Variants in UBE2G1 observed in about 807,000 individuals in gnomAD.
The protein encoded by UBE2G1 is ubiquitin-conjugating enzyme E2 G1.
In UBE2G1, 5 loss-of-function variants were observed where a neutral mutation model predicts 22.7. That is an observed-to-expected ratio of 0.22 (90% confidence interval 0.12 to 0.46). The LOEUF is 0.46. Among genes scored for constraint, UBE2G1 ranks in the 20% least tolerant of loss-of-function variants. The probability of loss-of-function intolerance (pLI) is 0.99; values close to 1 mark genes in which losing one functional copy is unlikely to be tolerated. For synonymous variants in UBE2G1, 74 were observed against 67.5 expected, an observed-to-expected ratio of 1.10 and a Z score of -0.47; for missense variants, 88 against 203.9, an observed-to-expected ratio of 0.43 and a Z score of 3.46.
intron 1 of UBE2G1, among the ~76,000 whole-genome samples, chr17:4,355,777 T>C (rs914197835): frequency 1.4e-5 from 2 of 144,312 alleles, no homozygotes; most frequent in Non-Finnish European, 3.0e-5. Context: ...CTCAGCTCGC[T>C]GCAACCTCCA....
intron 1 of UBE2G1, among the ~76,000 whole-genome samples, chr17:4,339,219 T>G (rs543301204): frequency 1.3e-5 from 2 of 152,150 alleles, no homozygotes; most frequent in Non-Finnish European, 2.9e-5. Context: ...TATTTACTAT[T>G]ATTTTATTTT....
At chr17:4,311,901 T>C (rs1969314475) in intron 1 of UBE2G1, among the ~76,000 whole-genome samples, 1 of 151,976 alleles carries the variant, frequency 6.6e-6, no homozygotes. Context: ...GAGGAAATGG[T>C]GATGGGCTTG....
intron 1 of UBE2G1, among the ~76,000 whole-genome samples, chr17:4,330,160 C>CT (rs1969555039): frequency 6.6e-6 from 1 of 151,952 alleles, no homozygotes; most frequent in African/African-American, 2.4e-5. Flanking sequence ...ATGGAAGTGT[C>CT]TAACAATTTA....
chr17:4,323,976 C>T (rs935288655), intron 1 of UBE2G1, among the ~76,000 whole-genome samples: 30 of 152,156 alleles, frequency 2.0e-4, no homozygotes, highest in Non-Finnish European at 3.5e-4. Flanking sequence ...GATGCTAAAA[C>T]CATTAAGTGA....
intron 2 of UBE2G1, chr17:4,302,221 G>A: frequency 4.0e-6 from 2 of 498,254 alleles, no homozygotes; most frequent in South Asian, 1.5e-5. Flanking sequence ...GCAATGAACA[G>A]TGTTGTATAT....
At chr17:4,343,330 G>A (rs548688057) in intron 1 of UBE2G1, among the ~76,000 whole-genome samples, 3 of 152,174 alleles carry the variant, frequency 2.0e-5, no homozygotes, top group African/African-American at 7.2e-5. Context: ...GGTAGCTCAC[G>A]CCTGTAATCC....
chr17:4,306,917 TG>T, intron 2 of UBE2G1, 103 bp downstream of exon 2: 1 of 1,003,888 alleles, frequency 1.0e-6, no homozygotes, highest in East Asian at 2.8e-5. Context: ...CCCAAAGTGC[TG>T]GGATTACAGG....
chr17:4,272,572 C>T (rs1968774017), intron 5 of UBE2G1, 56 bp from the exon 6 acceptor site: 1 of 186,556 alleles, frequency 5.4e-6, no homozygotes, highest in African/African-American at 2.4e-5. Flanking sequence ...AAAGAATTAA[C>T]TGTAAGTAGG....
intron 1 of UBE2G1, among the ~76,000 whole-genome samples, chr17:4,355,655 GA>G (rs563547133): frequency 2.6e-3 from 344 of 133,850 alleles, no homozygotes; most frequent in African/African-American, 8.9e-3. Context: ...AAAAAAAAAA[GA>G]AAAAAAAAAT....
At chr17:4,325,963 A>T (rs35618711) in intron 1 of UBE2G1, among the ~76,000 whole-genome samples, 30,374 of 152,156 alleles carry the variant, frequency 0.2, 3,230 homozygotes, top group Non-Finnish European at 0.23. Flanking sequence ...TGCAAAAAAT[A>T]ACTCTAAATG....
chr17:4,363,456 C>A (rs917381123), intron 1 of UBE2G1, among the ~76,000 whole-genome samples: 5 of 151,896 alleles, frequency 3.3e-5, no homozygotes, highest in African/African-American at 9.7e-5. Flanking sequence ...AGCTTTGGGA[C>A]GTTTTATTAA....
intron 1 of UBE2G1, among the ~76,000 whole-genome samples, chr17:4,347,466 C>CTT (rs1969790668): frequency 3.2e-5 from 3 of 92,526 alleles, no homozygotes; most frequent in African/African-American, 1.1e-4. Flanking sequence ...CACAGTATTT[C>CTT]TTCTTTTTTT....
chr17:4,312,100 T>C (rs1287757089), intron 1 of UBE2G1, among the ~76,000 whole-genome samples: 1 of 151,324 alleles, frequency 6.6e-6, no homozygotes, highest in Non-Finnish European at 1.5e-5. Flanking sequence ...ATACAAAAAT[T>C]AGCCGGGTGG....
At chr17:4,322,402 C>T (rs934281389) in intron 1 of UBE2G1, among the ~76,000 whole-genome samples, 5 of 152,240 alleles carry the variant, frequency 3.3e-5, no homozygotes. Context: ...CCTCCTCAAA[C>T]TCTTCCCTAA....
intron 1 of UBE2G1, among the ~76,000 whole-genome samples, chr17:4,336,383 C>T (rs1206606678): frequency 6.6e-6 from 1 of 152,098 alleles, no homozygotes; most frequent in African/African-American, 2.4e-5. Flanking sequence ...TAGCAAGCAT[C>T]AACACCCTTT....
intron 1 of UBE2G1, among the ~76,000 whole-genome samples, chr17:4,319,480 A>C (rs1381272801): frequency 2.0e-5 from 3 of 152,224 alleles, no homozygotes; most frequent in Non-Finnish European, 4.4e-5. Flanking sequence ...TCATGCCTGT[A>C]ATCTCAGCAC....
chr17:4,292,163 T>TA (rs1346783203), intron 3 of UBE2G1, among the ~76,000 whole-genome samples: 1 of 151,462 alleles, frequency 6.6e-6, no homozygotes, highest in African/African-American at 2.4e-5. Flanking sequence ...CCATCTCTAA[T>TA]AAAAATACAA....
intron 1 of UBE2G1, among the ~76,000 whole-genome samples, chr17:4,353,935 G>A (rs1969876067): frequency 6.8e-6 from 1 of 147,042 alleles, no homozygotes; most frequent in Non-Finnish European, 1.5e-5. Context: ...CTCCTGCCTT[G>A]GCCTCCCAAA....
chr17:4,363,577 T>A (rs1217258552), intron 1 of UBE2G1, among the ~76,000 whole-genome samples: 1 of 152,208 alleles, frequency 6.6e-6, no homozygotes, highest in Admixed American at 6.6e-5. Context: ...TTGCTGCTGC[T>A]GACATTGTTA....
Sources: allele counts gnomAD v4.1 joint callset (sites outside exome capture counted in the v4.1 genomes callset), GRCh38; gene constraint gnomAD v4.1.1; transcripts MANE v1.5; gene names NCBI Gene and HGNC (gene_info 2026-07-23, HGNC 2026-07-21).